The following CLSTN2 variants were observed in gnomAD, a reference collection of about 807,000 sequenced individuals.
The protein encoded by CLSTN2 is calsyntenin 2.
Under a neutral mutation model 101.2 loss-of-function variants are expected in CLSTN2, and 48 were observed. The ratio of observed to expected loss-of-function variants is 0.47; its 90% CI spans 0.38 to 0.60. CLSTN2 has a LOEUF of 0.60. Among genes scored for constraint, CLSTN2 ranks in the 20% least tolerant of loss-of-function variants. CLSTN2 has a pLI of 0.00. For synonymous variants in CLSTN2, 481 were observed against 463.6 expected, an observed-to-expected ratio of 1.04 and a Z score of -0.48; for missense variants, 1,160 against 1,238.2, an observed-to-expected ratio of 0.94 and a Z score of 0.95.
intron 2 of CLSTN2, among the ~76,000 whole-genome samples, chr3:140,379,221 T>A (rs2087953118): frequency 6.6e-6 from 1 of 152,184 alleles, no homozygotes; most frequent in Admixed American, 6.5e-5. Context: ...TGAGACCATC[T>A]CACTTAGGCC....
intron 2 of CLSTN2, among the ~76,000 whole-genome samples, chr3:140,220,019 C>T (rs945958363): frequency 4.6e-5 from 7 of 152,300 alleles, no homozygotes; most frequent in African/African-American, 1.7e-4. Flanking sequence ...GTTATATTGT[C>T]AACAACCATA....
intron 2 of CLSTN2, among the ~76,000 whole-genome samples, chr3:140,324,765 T>C (rs1279968014): frequency 6.6e-6 from 1 of 152,240 alleles, no homozygotes; most frequent in Non-Finnish European, 1.5e-5. Flanking sequence ...TCAGACTGTA[T>C]GTGAAAATCC....
chr3:139,989,145 T>A (rs1936077278), intron 1 of CLSTN2, among the ~76,000 whole-genome samples: 1 of 152,216 alleles, frequency 6.6e-6, no homozygotes, highest in South Asian at 2.1e-4. Flanking sequence ...AAGCTGGGTC[T>A]AGGATTCTGC....
At chr3:140,387,117 C>A (rs966682695) in intron 2 of CLSTN2, among the ~76,000 whole-genome samples, 1 of 152,110 alleles carries the variant, frequency 6.6e-6, no homozygotes, top group East Asian at 1.9e-4. Context: ...ATTCTTGCCT[C>A]ATGGAGCTCT....
intron 1 of CLSTN2, among the ~76,000 whole-genome samples, chr3:140,166,724 A>G (rs1450910588): frequency 6.6e-6 from 1 of 152,192 alleles, no homozygotes; most frequent in Admixed American, 6.5e-5. Context: ...AATGGAGCAG[A>G]AATATCACAC....
At chr3:140,478,020 TAG>T (rs1162195059) in intron 8 of CLSTN2, among the ~76,000 whole-genome samples, 1 of 152,178 alleles carries the variant, frequency 6.6e-6, no homozygotes, top group East Asian at 1.9e-4. Context: ...TCCTCCCCAA[TAG>T]AGAGTTGACC....
chr3:139,975,262 G>A (rs1333483495), intron 1 of CLSTN2, among the ~76,000 whole-genome samples: 2 of 152,092 alleles, frequency 1.3e-5, no homozygotes, highest in Non-Finnish European at 2.9e-5. Context: ...TGCCAAGATA[G>A]CACCTTGGGC....
intron 1 of CLSTN2, among the ~76,000 whole-genome samples, chr3:139,947,361 C>T (rs1935230593): frequency 1.3e-5 from 2 of 152,214 alleles, no homozygotes; most frequent in African/African-American, 4.8e-5. Flanking sequence ...TGGTGCACAT[C>T]TCTTTGCTGC....
chr3:140,470,468 A>G (rs1461677576), intron 8 of CLSTN2, among the ~76,000 whole-genome samples: 1 of 152,146 alleles, frequency 6.6e-6, no homozygotes, highest in Non-Finnish European at 1.5e-5. Flanking sequence ...CTAGTGGCAG[A>G]GCAGTGAGCA....
intron 1 of CLSTN2, among the ~76,000 whole-genome samples, chr3:140,148,249 A>T (rs1046871679): frequency 6.6e-6 from 1 of 151,984 alleles, no homozygotes; most frequent in African/African-American, 2.4e-5. Context: ...AAAAACATTG[A>T]GTGCTGTCAT....
intron 1 of CLSTN2, among the ~76,000 whole-genome samples, chr3:140,134,493 A>G (rs979559159): frequency 1.3e-5 from 2 of 152,166 alleles, no homozygotes; most frequent in Non-Finnish European, 2.9e-5. Context: ...AGGCCCTCCA[A>G]GCAGTCTACA....
rs371771726 is a variant in CLSTN2, at chr3:140,385,469, C to T, written c.233-18160C>T. Among the ~76,000 whole-genome samples, 467 of 149,870 alleles carry T rather than the reference C, an allele frequency of 3.1e-3. 3 individuals carry two copies. The highest frequency in any genetic ancestry group is 0.01 in the African/African-American group (423 of 40,690). Reference sequence around the variant, plus strand: ...CTGTAAACTCCTCCTCCCGGGTTCACGCCATTCTCCTGCCTCAGCTTCCCA... The same window carrying T: ...CTGTAAACTCCTCCTCCCGGGTTCATGCCATTCTCCTGCCTCAGCTTCCCA... On this transcript the variant is annotated intron_variant, in intron 2 of 16. Transcript: ENST00000458420.
Position 140,573,090 on chromosome 3 carries a change from G to A in CLSTN2, c.*6837G>A, listed in dbSNP as rs1222324718. 1 of 152,288 alleles carries A rather than the reference G, an allele frequency of 6.6e-6. No homozygotes were observed. Among genetic ancestry groups the A allele is most frequent in the Non-Finnish European group, 1.5e-5 (1 of 68,086 alleles). The allele number at this position is 152,288 out of a possible 1,614,324, so 9.4% of individuals were successfully genotyped here. ...CACCTGCCAGGTTTCTGTAAGCTGAGCAGCCTCTTCGAGGGCCATATTTTG... is the reference window on the plus strand; with the variant it reads ...CACCTGCCAGGTTTCTGTAAGCTGAACAGCCTCTTCGAGGGCCATATTTTG... On this transcript the variant is annotated 3_prime_UTR_variant, in exon 17 of 17. Transcript: ENST00000458420.
At chr3:140,407,673 T>C (rs1024083573) in intron 4 of CLSTN2, among the ~76,000 whole-genome samples, 9 of 152,226 alleles carry the variant, frequency 5.9e-5, no homozygotes, top group African/African-American at 2.2e-4. Flanking sequence ...CAGATAACTA[T>C]GAGTTCATCA....
At chr3:140,214,042 A>C (rs543783086) in intron 2 of CLSTN2, among the ~76,000 whole-genome samples, 5 of 152,252 alleles carry the variant, frequency 3.3e-5, no homozygotes, top group African/African-American at 1.2e-4. Context: ...CTTAGTTTAT[A>C]GTTCTAAAGT....
At chr3:139,937,462 C>T (rs1354658597) in intron 1 of CLSTN2, among the ~76,000 whole-genome samples, 1 of 151,852 alleles carries the variant, frequency 6.6e-6, no homozygotes, top group African/African-American at 2.4e-5. Context: ...TCAGGTCGGG[C>T]ATGGTGGCTC....
intron 1 of CLSTN2, among the ~76,000 whole-genome samples, chr3:140,135,161 T>TATATATATATAA (rs1553801612): frequency 1.0e-5 from 1 of 98,876 alleles, no homozygotes; most frequent in Non-Finnish European, 2.2e-5. Context: ...TATATATATA[T>TATATATATATAA]AAAATATGCT....
rs557868425 is a variant in CLSTN2 at position 140,159,018 on chromosome 3, C to T, written c.110-16933C>T. Reference sequence around the variant, plus strand: ...CTGGACCCCTACCTTTTACCATGTGCAAAAATTAACTCAAATTGGATTAAA... The same window carrying T: ...CTGGACCCCTACCTTTTACCATGTGTAAAAATTAACTCAAATTGGATTAAA... On this transcript the variant is annotated intron_variant, in intron 1 of 16. Coordinates refer to ENST00000458420, the MANE Select transcript of CLSTN2 (RefSeq NM_022131.3). 2.0e-4 allele frequency among the ~76,000 whole-genome samples: 31 copies of T among 152,238 alleles called. No homozygotes were observed. The South Asian group carries it at 6.2e-3, about 31-fold the overall frequency.
chr3:140,091,612 G>A (rs184616477), intron 1 of CLSTN2, among the ~76,000 whole-genome samples: 7 of 152,278 alleles, frequency 4.6e-5, no homozygotes, highest in Admixed American at 2.0e-4. Context: ...AATTACTCAG[G>A]AAATGAAAAC....
Sources: allele counts gnomAD v4.1 joint callset (sites outside exome capture counted in the v4.1 genomes callset), GRCh38; gene constraint gnomAD v4.1.1; transcripts MANE v1.5; gene names NCBI Gene and HGNC (gene_info 2026-07-23, HGNC 2026-07-21).